Variants in CBY2 observed in about 807,000 individuals in gnomAD.
CBY2 encodes protein chibby homolog 2.
CBY2 carries 23 observed loss-of-function variants against 25.3 expected under a neutral mutation model. That is an observed-to-expected ratio of 0.91 (90% CI 0.65 to 1.29). The LOEUF (loss-of-function observed/expected upper bound fraction) is 1.29. Ranked by LOEUF, CBY2 falls within the 50% of genes most tolerant of loss-of-function variation. The pLI, the probability that CBY2 is intolerant of heterozygous loss-of-function variation, is 0.00. For synonymous variants in CBY2, 279 were observed against 260.2 expected (o/e 1.07, Z -0.70); for missense variants, 642 against 590.7 (o/e 1.09, Z -0.90).
rs1453416967 is a variant in CBY2 at position 45,704,049 on chromosome 13, A to G, written c.156+1194A>G. ...ACCTCAGATGGCTGAATGTTCTCTG[A>G]TAGTAACCCTCGGTAATGTTAGCAA... On this transcript the variant is annotated intron_variant, in intron 2 of 2. Coordinates refer to ENST00000310521, the MANE Select transcript of CBY2 (RefSeq NM_152719.3). The surrounding 1 kb of genome is among the most constrained non-coding windows in gnomAD (Gnocchi z 4.1). Among the ~76,000 whole-genome samples, 1 of 152,142 alleles carries G rather than the reference A, an allele frequency of 6.6e-6. No homozygotes were observed. The highest frequency in any genetic ancestry group is 2.4e-5 in the African/African-American group (1 of 41,420).
At position 45,713,202 on chromosome 13, in the gene CBY2, C is replaced by T. The variant is rs559121981; in HGVS notation, c.177C>T (p.Phe59=). ...VLPQRGTAEP[F]PRLHNLYSTP... ...CGCAGAGGGGCACAGCCGAACCCTT[C>T]CCGAGGCTCCACAACTTGTACAGCA... The change falls in exon 3 of 3, where the codon TTC becomes TTT. Residue 59 remains phenylalanine (F), a synonymous_variant. Transcript: ENST00000310521. The surrounding 1 kb of genome is among the most constrained non-coding windows in gnomAD (Gnocchi z 5.0). The T allele has an allele frequency of 6.2e-6, 10 of 1,612,472 alleles. No homozygotes were observed. Among genetic ancestry groups the T allele is most frequent in the Middle Eastern group, 1.7e-4 (1 of 6,060 alleles).
At chr13:45,702,702 T>G (rs113507909) in intron 1 of CBY2, 73 bp from the exon 2 acceptor site, 10 of 1,264,360 alleles carry the variant, frequency 7.9e-6, no homozygotes, top group Middle Eastern at 1.9e-4. Context: ...AGTTCTGTGT[T>G]TTTTAGGCGA....
In CBY2 at chr13:45,714,076, G is replaced by A. The variant is rs1464379248; in HGVS notation, c.1051G>A (p.Asp351Asn). The change falls in exon 3 of 3, where the codon GAC becomes AAC. Residue 351 changes from aspartate to asparagine, a missense_variant. By Grantham distance (23) the Asp-to-Asn change is conservative (BLOSUM62 1). Coordinates refer to ENST00000310521, the MANE Select transcript of CBY2 (RefSeq NM_152719.3). ...EEAKVGPGLP[D>N]GCQPLQLLRE... ...GGCCAAGGTGGGCCCGGGCCTGCCC[G>A]ACGGCTGCCAGCCCCTGCAGCTGCT... is the stretch of plus-strand genomic sequence containing the variant. The A allele has an allele frequency of 5.9e-6, 9 of 1,526,940 alleles. No homozygotes were observed. The South Asian group carries it at 1.1e-4, about 19-fold the overall frequency. The allele number at this position is 1,526,940 out of a possible 1,614,324, so 94.6% of individuals were successfully genotyped here. A position where few individuals can be genotyped will look rare whatever the true frequency, so the allele number is the denominator to read the frequency against.
Position 45,713,575 on chromosome 13 carries a change from G to GAGGAGAACCGGATGCTCAGCA in CBY2, c.559_579dup (p.Arg187_Asn193dup), listed in dbSNP as rs745745363. On this transcript the variant is annotated inframe_insertion, in exon 3 of 3. Transcript: ENST00000310521. This position sits in a 1 kb window ranked among gnomAD's most constrained non-coding sequence, Gnocchi z 5.0. ...GCGGGAGGAGAACAAGGCCCTGCGC[G>GAGGAGAACCGGATGCTCAGCA]AGGAGAACCGGATGCTCAGCAAGGA... The GAGGAGAACCGGATGCTCAGCA allele has an allele frequency of 6.3e-5, 102 of 1,614,054 alleles. No individual in the cohort carries two copies. The highest frequency in any genetic ancestry group is 1.1e-4 in the East Asian group (5 of 44,862).
chr13:45,707,764 A>G (rs758184600), intron 2 of CBY2, among the ~76,000 whole-genome samples: 11 of 150,314 alleles, frequency 7.3e-5, no homozygotes, highest in Non-Finnish European at 1.3e-4. Context: ...ATAAACATGG[A>G]GTTTGGAGTC....
intron 2 of CBY2, chr13:45,703,611 G>A: frequency 6.5e-7 from 1 of 1,543,320 alleles, no homozygotes; most frequent in Non-Finnish European, 8.8e-7. Context: ...TGAGAGCTCT[G>A]TCCAGGGATG....
chr13:45,713,557 G>C lies in CBY2; in HGVS notation c.532G>C (p.Glu178Gln). The change falls in exon 3 of 3, where the codon GAG (glutamate) becomes CAG (glutamine). Residue 178 changes from glutamate to glutamine, a missense_variant. Physicochemically the swap from Glu to Gln is conservative, Grantham distance 29. Coordinates refer to ENST00000310521, the MANE Select transcript of CBY2 (RefSeq NM_152719.3). The surrounding 1 kb of genome is among the most constrained non-coding windows in gnomAD (Gnocchi z 5.0). ...LQEENKSLRE[E>Q]NKALREENRM... ...GGAGGAGAACAAGTCTCTGCGGGAG[G>C]AGAACAAGGCCCTGCGCGAGGAGAA... 6.2e-7 allele frequency: 1 copy of C among 1,614,100 alleles called. No homozygotes were observed. Among genetic ancestry groups the C allele is most frequent in the East Asian group, 2.2e-5 (1 of 44,856 alleles).
intron 2 of CBY2, among the ~76,000 whole-genome samples, chr13:45,709,619 ACACAATGT>A (rs541966664): frequency 2.1e-4 from 32 of 152,340 alleles, no homozygotes; most frequent in African/African-American, 7.5e-4. Flanking sequence ...GGATAAGATG[ACACAATGT>A]CACTTTGCTT....
At chr13:45,709,343 C>T (rs1950256134) in intron 2 of CBY2, among the ~76,000 whole-genome samples, 2 of 152,176 alleles carry the variant, frequency 1.3e-5, no homozygotes, top group Admixed American at 1.3e-4. Flanking sequence ...GGATGTAGAA[C>T]ACAGGCAGCT....
At position 45,704,248 on chromosome 13, in the gene CBY2, AAGG is replaced by A. The variant is rs1704615912; in HGVS notation, c.156+1396_156+1398del. Among the ~76,000 whole-genome samples, 1 of 152,126 alleles carries A rather than the reference AAGG, an allele frequency of 6.6e-6. No individual in the cohort carries two copies. Among genetic ancestry groups the A allele is most frequent in the African/African-American group, 2.4e-5 (1 of 41,436 alleles). ...AGCTCCCAGAAACAGCCCAACGATCAAGGAGAAGAGAAGGTGGTTTAAGACAGC... is the reference window on the plus strand; with the variant it reads ...AGCTCCCAGAAACAGCCCAACGATCAAGAAGAGAAGGTGGTTTAAGACAGC... On this transcript the variant is annotated intron_variant, in intron 2 of 2. Transcript: ENST00000310521. This position sits in a 1 kb window ranked among gnomAD's most constrained non-coding sequence, Gnocchi z 4.1.
At position 45,713,401 on chromosome 13, in the gene CBY2, G is replaced by C; in HGVS notation, c.376G>C (p.Glu126Gln). ...CCCGCCGCGGGTGCAGCTCAGCGAC[G>C]AGATGTTCGTGTTCCAGGACGGGCG... ...YNPPRVQLSD[E>Q]MFVFQDGRWV... The change falls in exon 3 of 3, where the codon GAG (glutamate) becomes CAG (glutamine). Residue 126 changes from glutamate (E) to glutamine (Q), a missense_variant. Coordinates refer to ENST00000310521, the MANE Select transcript of CBY2 (RefSeq NM_152719.3). This position sits in a 1 kb window ranked among gnomAD's most constrained non-coding sequence, Gnocchi z 5.0. The C allele has an allele frequency of 6.2e-7, 1 of 1,614,190 alleles. No homozygotes were observed.
At chr13:45,712,348 A>T (rs956788968) in intron 2 of CBY2, among the ~76,000 whole-genome samples, 2 of 152,220 alleles carry the variant, frequency 1.3e-5, no homozygotes, top group African/African-American at 4.8e-5. Flanking sequence ...ATTCTTGTTA[A>T]TTGGTAAGTA....
chr13:45,707,267 A>C (rs1444280332), intron 2 of CBY2, among the ~76,000 whole-genome samples: 3 of 152,118 alleles, frequency 2.0e-5, no homozygotes, highest in Non-Finnish European at 2.9e-5. Context: ...AAGGGAGTAC[A>C]TGGATGAACC....
intron 1 of CBY2, 117 bp from the exon 2 acceptor site, chr13:45,702,648 TCATAATTGTA>T: frequency 2.2e-6 from 2 of 924,752 alleles, no homozygotes; most frequent in Non-Finnish European, 3.4e-6. Flanking sequence ...ACTCAGACTT[TCATAATTGTA>T]CATAATTGAC....
rs1169911618 is a variant in CBY2 at position 45,704,201 on chromosome 13, C to T, written c.156+1346C>T. On this transcript the variant is annotated intron_variant, in intron 2 of 2. Transcript: ENST00000310521. The surrounding 1 kb of genome is among the most constrained non-coding windows in gnomAD (Gnocchi z 4.1). ...AATTGGAATGATGTTTCCATCAACACCCACCGCAACTTTCCCTCCCCAGCT... is the reference window on the plus strand; with the variant it reads ...AATTGGAATGATGTTTCCATCAACATCCACCGCAACTTTCCCTCCCCAGCT... 6.6e-6 allele frequency among the ~76,000 whole-genome samples: 1 copy of T among 152,038 alleles called. No individual in the cohort carries two copies. Among genetic ancestry groups the T allele is most frequent in the Non-Finnish European group, 1.5e-5 (1 of 68,024 alleles).
At chr13:45,707,159 G>A (rs1451832650) in intron 2 of CBY2, among the ~76,000 whole-genome samples, 1 of 152,058 alleles carries the variant, frequency 6.6e-6, no homozygotes, top group Non-Finnish European at 1.5e-5. Flanking sequence ...CAAAGTTACT[G>A]GAAATTTAGG....
chr13:45,706,313 C>T (rs1950239290), intron 2 of CBY2, among the ~76,000 whole-genome samples: 3 of 152,190 alleles, frequency 2.0e-5, no homozygotes, highest in Admixed American at 1.3e-4. Context: ...GGCACCAGAC[C>T]TAATGCTAAG....
At chr13:45,702,937 ATGT>A (rs1950219622) in intron 2 of CBY2, 82 bp downstream of exon 2, 1 of 1,269,368 alleles carries the variant, frequency 7.9e-7, no homozygotes, top group Non-Finnish European at 1.1e-6. Context: ...CTCTAGCAAG[ATGT>A]TGTAGAATAA....
intron 2 of CBY2, among the ~76,000 whole-genome samples, chr13:45,708,293 A>G (rs562288901): frequency 6.6e-6 from 1 of 152,300 alleles, no homozygotes; most frequent in South Asian, 2.1e-4. Flanking sequence ...TTCTCTGGAG[A>G]TGTTATCATT....
Sources: allele counts gnomAD v4.1 joint callset (sites outside exome capture counted in the v4.1 genomes callset), GRCh38; gene constraint gnomAD v4.1.1; non-coding constraint Gnocchi (gnomAD v3.1); transcripts MANE v1.5; gene names NCBI Gene and HGNC (gene_info 2026-07-23, HGNC 2026-07-21).